The following CCDC171 variants were observed in gnomAD, a reference collection of about 807,000 sequenced individuals.
CCDC171 encodes coiled-coil domain-containing protein 171.
Under a neutral mutation model 168.2 loss-of-function variants are expected in CCDC171, and 177 were observed. The ratio of observed to expected loss-of-function variants is 1.05; its 90% confidence interval spans 0.93 to 1.19. The LOEUF (loss-of-function observed/expected upper bound fraction) is 1.19. Ranked by LOEUF, CCDC171 falls within the 50% of genes most tolerant of loss-of-function variation. The pLI is 0.00. For synonymous variants in CCDC171, 687 were observed against 540.8 expected (o/e 1.27, Z -3.75); for missense variants, 1,991 against 1,539.0 (o/e 1.29, Z -4.91).
At chr9:15,952,311 A>T (rs917778925) in intron 25 of CCDC171, among the ~76,000 whole-genome samples, 1 of 152,176 alleles carries the variant, frequency 6.6e-6, no homozygotes, top group African/African-American at 2.4e-5. Flanking sequence ...ATCAGGATGA[A>T]TGAGTCCTCC....
chr9:15,991,649 T>C (rs1044027934), intron 3 of CCDC171, among the ~76,000 whole-genome samples: 1 of 152,086 alleles, frequency 6.6e-6, no homozygotes, highest in Non-Finnish European at 1.5e-5. Flanking sequence ...GAGGTGGTTT[T>C]TTGAAAAGAT....
At chr9:15,988,667 T>G (rs541885825) in intron 3 of CCDC171, among the ~76,000 whole-genome samples, 1 of 152,262 alleles carries the variant, frequency 6.6e-6, no homozygotes, top group African/African-American at 2.4e-5. Flanking sequence ...CTCAGGGAAT[T>G]CCCTTTCCTA....
intron 21 of CCDC171, among the ~76,000 whole-genome samples, chr9:15,792,310 A>C (rs2058311057): frequency 6.6e-6 from 1 of 152,236 alleles, no homozygotes; most frequent in Non-Finnish European, 1.5e-5. Flanking sequence ...CTTCCAAGAA[A>C]TATGGGACTG....
intron 8 of CCDC171, among the ~76,000 whole-genome samples, chr9:15,662,117 A>C (rs1402662814): frequency 6.6e-6 from 1 of 152,132 alleles, no homozygotes; most frequent in Non-Finnish European, 1.5e-5. Context: ...TCTCTGCTAA[A>C]AATACAAAAG....
At chr9:15,618,803 C>T (rs2044287209) in intron 6 of CCDC171, among the ~76,000 whole-genome samples, 1 of 151,964 alleles carries the variant, frequency 6.6e-6, no homozygotes, top group African/African-American at 2.4e-5. Flanking sequence ...AGTGACGCCC[C>T]ACCCTGCTTC....
chr9:15,569,316 A>G (rs1485169279), intron 2 of CCDC171, among the ~76,000 whole-genome samples: 1 of 152,182 alleles, frequency 6.6e-6, no homozygotes, highest in Non-Finnish European at 1.5e-5. Flanking sequence ...CTCCCTCACT[A>G]GCCCTGTGAA....
At chr9:15,753,975 A>G (rs1353335537) in intron 18 of CCDC171, among the ~76,000 whole-genome samples, 1 of 152,124 alleles carries the variant, frequency 6.6e-6, no homozygotes, top group Non-Finnish European at 1.5e-5. Flanking sequence ...TTCAAACATG[A>G]TGAGGGGTTT....
intron 25 of CCDC171, among the ~76,000 whole-genome samples, chr9:15,949,338 GT>G (rs1828830865): frequency 6.6e-6 from 1 of 152,100 alleles, no homozygotes; most frequent in African/African-American, 2.4e-5. Context: ...CTTTAAAGTA[GT>G]TTTTTCCAAT....
chr9:16,048,259 C>T (rs930391360), intron 1 of CCDC171, among the ~76,000 whole-genome samples: 2 of 152,180 alleles, frequency 1.3e-5, no homozygotes, highest in Non-Finnish European at 2.9e-5. Context: ...TCGTGGGAAA[C>T]GTGTAGAGCT....
intron 6 of CCDC171, among the ~76,000 whole-genome samples, chr9:16,029,802 A>G (rs567310127): frequency 9.8e-5 from 15 of 152,328 alleles, no homozygotes; most frequent in African/African-American, 2.6e-4. Flanking sequence ...TGAGGTTTCA[A>G]TGACTGAGGG....
At chr9:15,710,209 T>C (rs10756692) in intron 11 of CCDC171, among the ~76,000 whole-genome samples, 55,235 of 152,092 alleles carry the variant, frequency 0.36, 12,492 homozygotes, top group East Asian at 0.67. Flanking sequence ...TCTCATATAA[T>C]ATCAGTTAGT....
At chr9:15,784,099 A>G (rs1395785898) in intron 20 of CCDC171, among the ~76,000 whole-genome samples, 1 of 152,182 alleles carries the variant, frequency 6.6e-6, no homozygotes, top group African/African-American at 2.4e-5. Context: ...CTAGGAGAAG[A>G]TATTTGACCG....
intron 14 of CCDC171, among the ~76,000 whole-genome samples, chr9:15,725,276 G>C (rs2053726732): frequency 6.6e-6 from 1 of 152,110 alleles, no homozygotes; most frequent in African/African-American, 2.4e-5. Context: ...CAAGGTTCCT[G>C]TTTGCCAATG....
At chr9:15,657,495 A>G (rs2048026992) in intron 8 of CCDC171, among the ~76,000 whole-genome samples, 1 of 152,200 alleles carries the variant, frequency 6.6e-6, no homozygotes, top group South Asian at 2.1e-4. Context: ...AGAGTGGAGT[A>G]GTTGTGACAG....
intron 10 of CCDC171, among the ~76,000 whole-genome samples, chr9:15,683,644 G>A (rs2050188997): frequency 6.6e-6 from 1 of 151,870 alleles, no homozygotes; most frequent in Admixed American, 6.6e-5. Flanking sequence ...TTCCTTTTAG[G>A]AGGCTGACTT....
At chr9:15,919,347 A>T (rs1824990057) in intron 24 of CCDC171, among the ~76,000 whole-genome samples, 1 of 151,704 alleles carries the variant, frequency 6.6e-6, no homozygotes, top group Non-Finnish European at 1.5e-5. Context: ...AACTGCTCAA[A>T]TACATAATTT....
chr9:15,706,689 TGAAA>T (rs2052264684), intron 11 of CCDC171, among the ~76,000 whole-genome samples: 1 of 152,224 alleles, frequency 6.6e-6, no homozygotes, highest in African/African-American at 2.4e-5. Flanking sequence ...TTAGGATTCA[TGAAA>T]GAAAGTCTTC....
At chr9:15,682,527 A>G (rs1464105299) in intron 10 of CCDC171, among the ~76,000 whole-genome samples, 1 of 152,102 alleles carries the variant, frequency 6.6e-6, no homozygotes, top group Non-Finnish European at 1.5e-5. Context: ...ATGTTTTGAT[A>G]TATACAACAT....
chr9:15,845,242 GC>G (rs2060846178), intron 21 of CCDC171, among the ~76,000 whole-genome samples: 1 of 151,984 alleles, frequency 6.6e-6, no homozygotes, highest in Non-Finnish European at 1.5e-5. Flanking sequence ...TTTATTCTTT[GC>G]CATCTTTTTA....
Sources: gnomAD v4.1 joint callset for allele counts (sites outside exome capture counted in the v4.1 genomes callset) on GRCh38, gnomAD v4.1.1 for gene constraint, MANE v1.5 for transcripts, NCBI Gene and HGNC (gene_info 2026-07-23, HGNC 2026-07-21) for gene names.